SEMA4D: variants seen among roughly 807,000 people sequenced by gnomAD.
SEMA4D encodes semaphorin-4D.
Under a neutral mutation model 74.8 loss-of-function variants are expected in SEMA4D, and 22 were observed. That is an observed-to-expected ratio of 0.29 (90% CI 0.21 to 0.42). SEMA4D has a LOEUF of 0.42. Among genes scored for constraint, SEMA4D ranks in the 10% least tolerant of loss-of-function variants. The pLI is 1.00. For missense variants in SEMA4D, 937 were observed against 1,118.4 expected, an observed-to-expected ratio of 0.84 and a Z score of 2.31; for synonymous variants, 445 against 463.7, an observed-to-expected ratio of 0.96 and a Z score of 0.52.
At chr9:89,495,893 C>T (rs1490452874) in intron 1 of SEMA4D, among the ~76,000 whole-genome samples, 1 of 151,220 alleles carries the variant, frequency 6.6e-6, no homozygotes, top group Non-Finnish European at 1.5e-5. Flanking sequence ...AACCATTGAT[C>T]TTTGCAATGC....
In SEMA4D at chr9:89,393,669, A is replaced by C; in HGVS notation, c.415-14T>G. 1 of 1,576,324 alleles carries C rather than the reference A, an allele frequency of 6.3e-7. No individual in the cohort carries two copies. Among genetic ancestry groups the C allele is most frequent in the South Asian group, 1.1e-5 (1 of 90,300 alleles). On this transcript the variant is annotated splice_polypyrimidine_tract_variant and intron_variant, in intron 6 of 15. Coordinates refer to ENST00000422704, the MANE Select transcript of SEMA4D (RefSeq NM_001371194.2). Reference sequence around the variant, plus strand: ...GGATGTTAAGTTCTACAATTGAATAAAAAGAGAGCACATCATCAGATGGCT... The same window carrying C: ...GGATGTTAAGTTCTACAATTGAATACAAAGAGAGCACATCATCAGATGGCT...
intron 1 of SEMA4D, among the ~76,000 whole-genome samples, chr9:89,466,239 C>T (rs1858668970): frequency 6.6e-6 from 1 of 152,144 alleles, no homozygotes. Context: ...CATAATTTCC[C>T]CTGACTTGTA....
intron 1 of SEMA4D, among the ~76,000 whole-genome samples, chr9:89,472,024 G>A (rs937026098): frequency 3.9e-5 from 6 of 152,230 alleles, no homozygotes; most frequent in Non-Finnish European, 8.8e-5. Flanking sequence ...AGGCTGAGGT[G>A]CATGCCAGCT....
At chr9:89,366,605 C>G (rs1833711132) in intron 16 of SEMA4D, among the ~76,000 whole-genome samples, 1 of 152,170 alleles carries the variant, frequency 6.6e-6, no homozygotes, top group African/African-American at 2.4e-5. Flanking sequence ...ATGTATCTAT[C>G]TACAAATATA....
chr9:89,497,601 C>A (rs1158528601), intron 1 of SEMA4D, among the ~76,000 whole-genome samples: 1 of 151,602 alleles, frequency 6.6e-6, no homozygotes, highest in Non-Finnish European at 1.5e-5. Context: ...AGAGGAGCCA[C>A]CTGCGCGCAG....
At chr9:89,429,716 AGCCCGGGAAGCAT>A (rs1373717711) in intron 2 of SEMA4D, among the ~76,000 whole-genome samples, 1 of 151,840 alleles carries the variant, frequency 6.6e-6, no homozygotes, top group Non-Finnish European at 1.5e-5. Flanking sequence ...GACCTCCAGA[AGCCCGGGAAGCAT>A]GCTGTTCCAG....
Position 89,381,442 on chromosome 9 carries a change from G to A in SEMA4D, c.1447-96C>T. 1 of 1,236,070 alleles carries A rather than the reference G, an allele frequency of 8.1e-7. No individual in the cohort carries two copies. The highest frequency in any genetic ancestry group is 2.6e-5 in the East Asian group (1 of 38,870). 76.6% of individuals were successfully genotyped at this position (1,236,070 alleles called of 1,614,324 possible). On this transcript the variant is annotated intron_variant, in intron 13 of 15. Coordinates refer to ENST00000422704, the MANE Select transcript of SEMA4D (RefSeq NM_001371194.2). This position sits in a 1 kb window ranked among gnomAD's most constrained non-coding sequence, Gnocchi z 4.6. ...CACCAGTGTGTGGGAAGCAGCCAGA[G>A]TGTACCTTCAGGGGACATTGCAGTA...
At chr9:89,441,497 C>T (rs2135118941) in intron 2 of SEMA4D, among the ~76,000 whole-genome samples, 1 of 152,352 alleles carries the variant, frequency 6.6e-6, no homozygotes, top group South Asian at 2.1e-4. Context: ...CTGGAGATGT[C>T]GGTACCGGCC....
chr9:89,373,166 C>T (rs779069923), downstream of SEMA4D, among the ~76,000 whole-genome samples: 1 of 152,190 alleles, frequency 6.6e-6, no homozygotes, highest in Non-Finnish European at 1.5e-5. Context: ...CAGGCCTCTC[C>T]GCCCTACTCC....
At chr9:89,363,857 G>T in exon 17 of SEMA4D, 2 of 1,614,084 alleles carry the variant, frequency 1.2e-6, no homozygotes, top group Non-Finnish European at 1.7e-6. Context: ...GAGTGCATGG[G>T]CCCTGCCATC....
intron 1 of SEMA4D, among the ~76,000 whole-genome samples, chr9:89,470,225 C>T (rs920923565): frequency 3.9e-5 from 6 of 152,060 alleles, no homozygotes; most frequent in Admixed American, 1.3e-4. Flanking sequence ...AAAATATTTG[C>T]AAATCACATA....
intron 12 of SEMA4D, 137 bp from the exon 13 acceptor site, chr9:89,386,619 G>T: frequency 5.1e-6 from 3 of 591,698 alleles, no homozygotes; most frequent in Middle Eastern, 2.6e-4. Flanking sequence ...TGATGATTTC[G>T]CATTAGAAAC....
chr9:89,395,386 T>G (rs568056661), intron 6 of SEMA4D, among the ~76,000 whole-genome samples: 43 of 151,044 alleles, frequency 2.8e-4, no homozygotes, highest in Non-Finnish European at 5.4e-4. Flanking sequence ...ATCGCATCAC[T>G]GTACTCCAGC....
chr9:89,468,821 G>C (rs1054878919), intron 1 of SEMA4D, among the ~76,000 whole-genome samples: 1 of 152,098 alleles, frequency 6.6e-6, no homozygotes, highest in African/African-American at 2.4e-5. Flanking sequence ...CTGAAGTCCT[G>C]CAGGTCACTG....
At chr9:89,377,230 C>A (rs1835935388), downstream of SEMA4D, 1 of 863,562 alleles carries the variant, frequency 1.2e-6, no homozygotes, top group Admixed American at 3.7e-5. Flanking sequence ...AATGTCTTCC[C>A]CAAATCAAGG....
downstream of SEMA4D, among the ~76,000 whole-genome samples, chr9:89,373,749 G>A (rs144153449): frequency 3.7e-4 from 56 of 152,306 alleles, no homozygotes; most frequent in African/African-American, 1.3e-3. Context: ...AGGCAGAAGC[G>A]GTAGGCCTGT....
intron 2 of SEMA4D, among the ~76,000 whole-genome samples, chr9:89,429,506 CAA>C (rs1848803169): frequency 1.3e-5 from 2 of 152,220 alleles, no homozygotes; most frequent in African/African-American, 4.8e-5. Context: ...GCATGGAAAG[CAA>C]AGTTCCCCGC....
At chr9:89,449,312 C>G (rs572463571) in intron 2 of SEMA4D, among the ~76,000 whole-genome samples, 1 of 152,236 alleles carries the variant, frequency 6.6e-6, no homozygotes, top group Admixed American at 6.5e-5. Context: ...ACTACAGAGG[C>G]GGGGCCTGAG....
intron 2 of SEMA4D, chr9:89,406,012 C>T: frequency 1.1e-6 from 1 of 934,954 alleles, no homozygotes; most frequent in Non-Finnish European, 1.3e-6. Context: ...GCCCAGCTTC[C>T]TTCCTGTGTG....
Sources: gnomAD v4.1 joint callset for allele counts (sites outside exome capture counted in the v4.1 genomes callset) on GRCh38, gnomAD v4.1.1 for gene constraint, Gnocchi (gnomAD v3.1) non-coding constraint, MANE v1.5 for transcripts, NCBI Gene and HGNC (gene_info 2026-07-23, HGNC 2026-07-21) for gene names.